Variants in CARF observed in about 807,000 individuals in gnomAD.
CARF encodes calcium responsive transcription factor, also known as calcium-responsive transcription factor.
Under a neutral mutation model 82.0 loss-of-function variants are expected in CARF, and 57 were observed. The ratio of observed to expected loss-of-function variants is 0.70; its 90% confidence interval spans 0.56 to 0.87. The LOEUF (loss-of-function observed/expected upper bound fraction) is 0.87. CARF is among the 40% of genes least tolerant of loss of function. The pLI is 0.00. For missense variants in CARF, 771 were observed against 855.8 expected, an observed-to-expected ratio of 0.90 and a Z score of 1.24; for synonymous variants, 268 against 290.1, an observed-to-expected ratio of 0.92 and a Z score of 0.77.
rs575549607 is a variant in CARF, at chr2:202,949,830, G to A, written c.307-2729G>A. On this transcript the variant is annotated intron_variant, in intron 5 of 16. Coordinates refer to ENST00000438828, the MANE Select transcript of CARF (RefSeq NM_024744.17). ...CTCCCAAAGTGCTGGGATTACAGGC[G>A]TGAGCCATCGTGCCTGGCCCAATAT... Among the ~76,000 whole-genome samples, 4 of 152,224 alleles carry A rather than the reference G, an allele frequency of 2.6e-5. No individual in the cohort carries two copies. The South Asian group carries it at 8.3e-4, about 32-fold the overall frequency.
At chr2:202,979,296 G>A (rs2060152570) in intron 14 of CARF, among the ~76,000 whole-genome samples, 5 of 152,082 alleles carry the variant, frequency 3.3e-5, no homozygotes, top group Admixed American at 3.3e-4. Flanking sequence ...ATAAGAGGTT[G>A]TGATCAGAGA....
chr2:202,967,061 A>T lies in CARF; in HGVS notation c.916A>T (p.Arg306Trp), dbSNP rs1361870210. ...AAAAAAAGTCAGTGAGCAGGAAAGCAGGTCTTGTCAGCTCTACAAAGCCAC... is the reference window on the plus strand; with the variant it reads ...AAAAAAAGTCAGTGAGCAGGAAAGCTGGTCTTGTCAGCTCTACAAAGCCAC... ...QLKKVSEQES[R>W]SCQLYKATCP... Residue 306 changes from arginine to tryptophan, a missense_variant, in exon 10 of 17, where the codon AGG (arginine) becomes TGG (tryptophan). Coordinates refer to ENST00000438828, the MANE Select transcript of CARF (RefSeq NM_024744.17). 1 of 1,614,150 alleles carries T rather than the reference A, an allele frequency of 6.2e-7. No individual in the cohort carries two copies. The highest frequency in any genetic ancestry group is 2.2e-5 in the East Asian group (1 of 44,860).
chr2:202,984,507 A>G lies in CARF; in HGVS notation c.*883A>G, dbSNP rs1042919954. 6.6e-6 allele frequency: 1 copy of G among 152,100 alleles called. No homozygotes were observed. The highest frequency in any genetic ancestry group is 2.4e-5 in the African/African-American group (1 of 41,430). 9.4% of individuals were successfully genotyped at this position (152,100 alleles called of 1,614,324 possible). On this transcript the variant is annotated 3_prime_UTR_variant, in exon 17 of 17. Coordinates refer to ENST00000438828, the MANE Select transcript of CARF (RefSeq NM_024744.17). ...GACAGCAGAGGATTTTTTCCCCCTT[A>G]TTTTGTAATGAAGATCCAGCACTGG...
rs2060357257 is a variant in CARF, at chr2:202,983,799, G to C, written c.*175G>C. ...AGTTCCATATTTTTACCTTCCTTAAGAGATGTTTTACTCTTCTTATTTTGT... is the reference window on the plus strand; with the variant it reads ...AGTTCCATATTTTTACCTTCCTTAACAGATGTTTTACTCTTCTTATTTTGT... On this transcript the variant is annotated 3_prime_UTR_variant, in exon 17 of 17. Transcript: ENST00000438828. 1.8e-6 allele frequency: 1 copy of C among 552,588 alleles called. No individual in the cohort carries two copies. Among genetic ancestry groups the C allele is most frequent in the Non-Finnish European group, 3.1e-6 (1 of 318,706 alleles). The allele number at this position is 552,588 out of a possible 1,614,324, so 34.2% of individuals were successfully genotyped here.
chr2:202,941,690 C>A (rs1010936573), intron 3 of CARF, among the ~76,000 whole-genome samples, 170 bp from the exon 4 acceptor site: 11 of 151,938 alleles, frequency 7.2e-5, no homozygotes, highest in Non-Finnish European at 4.4e-5. Context: ...TATTCTGGTG[C>A]CTTGGCAAGT....
At chr2:202,968,096 C>T (rs1455560804) in intron 10 of CARF, among the ~76,000 whole-genome samples, 1 of 152,110 alleles carries the variant, frequency 6.6e-6, no homozygotes, top group Non-Finnish European at 1.5e-5. Flanking sequence ...CATCACATCT[C>T]ACATTATAAA....
chr2:202,957,375 C>T (rs577968300), intron 8 of CARF, among the ~76,000 whole-genome samples: 22 of 152,302 alleles, frequency 1.4e-4, no homozygotes, highest in African/African-American at 5.1e-4. Context: ...TATCATCCTA[C>T]GTTGTCCTAC....
rs1553584366 is a variant in CARF at position 202,986,868 on chromosome 2, G to GTGTA, written c.*3245_*3246insGTAT. 1 of 29,638 alleles carries GTGTA rather than the reference G, an allele frequency of 3.4e-5. No homozygotes were observed. The highest frequency in any genetic ancestry group is 7.7e-5 in the African/African-American group (1 of 13,012). The allele number at this position is 29,638 out of a possible 1,614,324, so 1.8% of individuals were successfully genotyped here. On this transcript the variant is annotated 3_prime_UTR_variant, in exon 17 of 17. Transcript: ENST00000438828. ...AAAGAGGTTTAAAAAATGTCTGTGC[G>GTGTA]TATATATATATATATATATATATAT...
chr2:202,944,965 C>T (rs553647141), intron 5 of CARF, among the ~76,000 whole-genome samples: 5 of 152,114 alleles, frequency 3.3e-5, no homozygotes, highest in Middle Eastern at 3.4e-3. Flanking sequence ...GGTGGTTTTA[C>T]ATTGTTTAGG....
At chr2:202,975,722 C>G (rs182653963) in intron 13 of CARF, among the ~76,000 whole-genome samples, 122 of 152,274 alleles carry the variant, frequency 8.0e-4, no homozygotes, top group Middle Eastern at 3.4e-3. Context: ...TATTTCCCCT[C>G]CCTTTTTTAA....
At chr2:202,981,222 A>G (rs1306178620) in intron 14 of CARF, among the ~76,000 whole-genome samples, 1 of 152,178 alleles carries the variant, frequency 6.6e-6, no homozygotes, top group South Asian at 2.1e-4. Context: ...TCAGATCATC[A>G]GGCATTAGAT....
rs563888878 is a variant in CARF, at chr2:202,951,902, G to A, written c.307-657G>A. On this transcript the variant is annotated intron_variant, in intron 5 of 16. Transcript: ENST00000438828. ...GGCTGGAGTATAGTGGCGCGATCTC[G>A]GCTCACTGCAACCTCTGCCTCCCAG... Among the ~76,000 whole-genome samples, 14 of 150,780 alleles carry A rather than the reference G, an allele frequency of 9.3e-5. No homozygotes were observed. In the South Asian group the frequency reaches 1.9e-3, roughly 20 times the overall value.
At chr2:202,955,820 A>C in intron 8 of CARF, 62 bp downstream of exon 8, 1 of 1,265,668 alleles carries the variant, frequency 7.9e-7, no homozygotes, top group Non-Finnish European at 1.1e-6. Context: ...GGTCATCCCC[A>C]AATGCCACTT....
intron 14 of CARF, among the ~76,000 whole-genome samples, chr2:202,980,197 A>C (rs1274939008): frequency 6.6e-6 from 1 of 152,112 alleles, no homozygotes; most frequent in Non-Finnish European, 1.5e-5. Flanking sequence ...GTCTCAAGTT[A>C]TCCATCTGCT....
chr2:202,918,888 C>T (rs1328865699), intron 2 of CARF, among the ~76,000 whole-genome samples: 1 of 152,176 alleles, frequency 6.6e-6, no homozygotes, highest in Non-Finnish European at 1.5e-5. Flanking sequence ...CACAAAAAGT[C>T]TTTAACCCAT....
intron 3 of CARF, among the ~76,000 whole-genome samples, chr2:202,940,027 G>C (rs189535797): frequency 3.7e-4 from 54 of 147,044 alleles, no homozygotes; most frequent in African/African-American, 1.2e-3. Context: ...TTGTTTCTTT[G>C]TTTGTTTGTT....
chr2:202,957,410 C>T lies in CARF; in HGVS notation c.642+1652C>T, dbSNP rs561938412. On this transcript the variant is annotated intron_variant, in intron 8 of 16. Transcript: ENST00000438828. Reference sequence around the variant, plus strand: ...CTTTATTTCCTACTTTTCTCAAACTCATCTTCATTCTTGCTAGCCTAGTCC... The same window carrying T: ...CTTTATTTCCTACTTTTCTCAAACTTATCTTCATTCTTGCTAGCCTAGTCC... Among the ~76,000 whole-genome samples, 310 of 152,216 alleles carry T rather than the reference C, an allele frequency of 2.0e-3. 2 individuals carry two copies. The highest frequency in any genetic ancestry group is 3.0e-3 in the Non-Finnish European group (206 of 68,016).
At position 202,971,661 on chromosome 2, in the gene CARF, T is replaced by C. The variant is rs150010762; in HGVS notation, c.1254T>C (p.His418=). ...DENCALPSRL[H]PQVAHKIQEL... ...ATTGTGCATTACCCTCACGTTTACATCCTCAAGTAGCACATAAGATTCAAG... is the reference window on the plus strand; with the variant it reads ...ATTGTGCATTACCCTCACGTTTACACCCTCAAGTAGCACATAAGATTCAAG... The change falls in exon 12 of 17, where the codon CAT becomes CAC. Residue 418 remains histidine (H), a synonymous_variant. Transcript: ENST00000438828. 1.6e-4 allele frequency: 263 copies of C among 1,613,566 alleles called. No individual in the cohort carries two copies. The highest frequency in any genetic ancestry group is 9.4e-4 in the East Asian group (42 of 44,762).
At chr2:202,934,134 C>A (rs1269483638) in intron 3 of CARF, among the ~76,000 whole-genome samples, 1 of 152,052 alleles carries the variant, frequency 6.6e-6, no homozygotes, top group East Asian at 1.9e-4. Context: ...CATCCTGAGT[C>A]ACACCATGGG....
Sources: gnomAD v4.1 joint callset for allele counts (sites outside exome capture counted in the v4.1 genomes callset) on GRCh38, gnomAD v4.1.1 for gene constraint, MANE v1.5 for transcripts, NCBI Gene and HGNC (gene_info 2026-07-23, HGNC 2026-07-21) for gene names.